PTPN3: variants seen among roughly 807,000 people sequenced by gnomAD.
PTPN3 encodes the protein tyrosine-protein phosphatase non-receptor type 3.
A neutral mutation model predicts 132.7 loss-of-function variants in PTPN3; 96 were observed. The observed-to-expected ratio is 0.72, with a 90% CI of 0.61 to 0.86. The LOEUF (loss-of-function observed/expected upper bound fraction) is 0.86, where lower values mean the gene tolerates loss of function less well. Ranked by LOEUF, PTPN3 falls within the 40% of genes least tolerant of loss-of-function variation. The pLI, the probability that PTPN3 is intolerant of heterozygous loss-of-function variation, is 0.00. For synonymous variants in PTPN3, 398 were observed against 429.0 expected, an observed-to-expected ratio of 0.93 and a Z score of 0.89; for missense variants, 1,125 against 1,159.6, an observed-to-expected ratio of 0.97 and a Z score of 0.43.
Position 109,391,570 on chromosome 9 carries a change from G to A in PTPN3, c.1954-9C>T. ...TTTTTTCTGTAGAGTTGCTATGTGA[G>A]AAATAGAGAAAAAAGCAAGCATTGC... On this transcript the variant is annotated splice_polypyrimidine_tract_variant and intron_variant, in intron 19 of 25. Transcript: ENST00000374541. The A allele has an allele frequency of 6.3e-7, 1 of 1,597,934 alleles. No individual in the cohort carries two copies. The highest frequency in any genetic ancestry group is 8.5e-7 in the Non-Finnish European group (1 of 1,170,788).
chr9:109,411,433 C>T (rs1485231763), intron 14 of PTPN3, among the ~76,000 whole-genome samples: 1 of 152,162 alleles, frequency 6.6e-6, no homozygotes, highest in African/African-American at 2.4e-5. Context: ...AGGGATTAAC[C>T]ATCCCTGCTG....
At chr9:109,473,551 G>A (rs563009760) in intron 1 of PTPN3, among the ~76,000 whole-genome samples, 119 of 152,266 alleles carry the variant, frequency 7.8e-4, no homozygotes, top group African/African-American at 2.6e-3. Flanking sequence ...TGCGGGAGCC[G>A]CGGGCAGTTT....
At chr9:109,409,074 C>T (rs1465396409) in intron 16 of PTPN3, among the ~76,000 whole-genome samples, 1 of 151,830 alleles carries the variant, frequency 6.6e-6, no homozygotes, top group African/African-American at 2.4e-5. Flanking sequence ...CTGTAAAGGG[C>T]CAGAGAGGCT....
chr9:109,391,177 C>A lies in PTPN3; in HGVS notation c.2067G>T (p.Leu689Phe). Reference sequence around the variant, plus strand: ...CATTAATATAATCTTCATTTCCCTGCAATAATACCCGGGTGGTGTCATCTG... The same window carrying A: ...CATTAATATAATCTTCATTTCCCTGAAATAATACCCGGGTGGTGTCATCTG... ...VLPYDTTRVL[L>F]QGNEDYINAS... The change falls in exon 21 of 26, where the codon TTG becomes TTT. Residue 689 changes from leucine to phenylalanine, a missense_variant. Leu to Phe is a conservative substitution (Grantham distance 22). Transcript: ENST00000374541. The A allele has an allele frequency of 6.2e-7, 1 of 1,613,544 alleles. No homozygotes were observed. Among genetic ancestry groups the A allele is most frequent in the Non-Finnish European group, 8.5e-7 (1 of 1,179,700 alleles).
chr9:109,428,980 C>T (rs1258223635), intron 10 of PTPN3: 2 of 985,314 alleles, frequency 2.0e-6, no homozygotes, highest in Non-Finnish European at 2.4e-6. Flanking sequence ...GGCACTGCAG[C>T]TCTGCGTGAG....
intron 1 of PTPN3, among the ~76,000 whole-genome samples, chr9:109,470,674 C>A (rs1248799818): frequency 3.6e-5 from 5 of 139,990 alleles, no homozygotes; most frequent in South Asian, 2.3e-4. Flanking sequence ...GCAGCCTGGG[C>A]AACAGAGCGA....
chr9:109,410,524 A>T, intron 14 of PTPN3, 109 bp from the exon 15 acceptor site: 1 of 1,221,350 alleles, frequency 8.2e-7, no homozygotes, highest in South Asian at 1.5e-5. Context: ...TTTCCCTGGA[A>T]CCTCAGCTGC....
At chr9:109,465,864 C>T (rs968956397) in intron 1 of PTPN3, among the ~76,000 whole-genome samples, 26 of 152,038 alleles carry the variant, frequency 1.7e-4, no homozygotes, top group African/African-American at 6.3e-4. Flanking sequence ...TAATTCTCCA[C>T]AAACTTTCTC....
the PTPN3 span, chr9:109,511,554 T>C: frequency 6.5e-6 from 1 of 153,730 alleles, no homozygotes; most frequent in African/African-American, 2.4e-5. Flanking sequence ...CATATTGGGG[T>C]TGGCCCTCTT....
the PTPN3 span, among the ~76,000 whole-genome samples, chr9:109,503,721 A>C: frequency 6.6e-6 from 1 of 152,128 alleles, no homozygotes; most frequent in Non-Finnish European, 1.5e-5. Context: ...TCAAAAAAAA[A>C]AAAAAGTCTT....
intron 14 of PTPN3, chr9:109,417,753 ACCC>A: frequency 2.0e-6 from 2 of 984,980 alleles, no homozygotes; most frequent in Non-Finnish European, 2.4e-6. Context: ...CACTAACTTG[ACCC>A]CCTGACATGT....
intron 1 of PTPN3, among the ~76,000 whole-genome samples, chr9:109,478,987 T>C (rs1047867133): frequency 6.6e-6 from 1 of 152,104 alleles, no homozygotes; most frequent in Non-Finnish European, 1.5e-5. Flanking sequence ...TTTCTGTTCT[T>C]TTAAATCTCC....
In PTPN3 at chr9:109,428,588, C is replaced by T. The variant is rs368961090; in HGVS notation, c.828+33G>A. The T allele has an allele frequency of 7.4e-5, 119 of 1,604,242 alleles. No individual in the cohort carries two copies. In the South Asian group the frequency reaches 8.8e-4, roughly 12 times the overall value. On this transcript the variant is annotated intron_variant, in intron 11 of 25. Coordinates refer to ENST00000374541, the MANE Select transcript of PTPN3 (RefSeq NM_002829.4). Reference sequence around the variant, plus strand: ...CTCTAACCACACACATACATATGCACGAAACAAAGCAAGCAAAGACATAAC... The same window carrying T: ...CTCTAACCACACACATACATATGCATGAAACAAAGCAAGCAAAGACATAAC...
In PTPN3 at chr9:109,476,563, C is replaced by T. The variant is rs187792209; in HGVS notation, c.-17-13112G>A. The stretch of plus-strand genomic sequence containing the variant: ...CCTCTCACTGATTTCAAGAGTGGTC[C>T]GTGACTGGACCAAGAAGATCTTTGC... On this transcript the variant is annotated intron_variant, in intron 1 of 25. Transcript: ENST00000374541. 7.2e-5 allele frequency among the ~76,000 whole-genome samples: 11 copies of T among 152,218 alleles called. No homozygotes were observed. In the East Asian group the frequency reaches 1.4e-3, roughly 19 times the overall value.
chr9:109,501,184 A>C (rs1444982717), upstream of PTPN3, among the ~76,000 whole-genome samples: 1 of 152,228 alleles, frequency 6.6e-6, no homozygotes, highest in African/African-American at 2.4e-5. Context: ...CTCAAGTACG[A>C]TGAATATTTT....
At chr9:109,425,331 A>C (rs1843169056) in intron 12 of PTPN3, among the ~76,000 whole-genome samples, 1 of 152,240 alleles carries the variant, frequency 6.6e-6, no homozygotes, top group Non-Finnish European at 1.5e-5. Context: ...TCAGAAAGAT[A>C]ATGGCTCAGA....
intron 22 of PTPN3, among the ~76,000 whole-genome samples, chr9:109,388,850 G>A (rs900009742): frequency 2.0e-5 from 3 of 152,200 alleles, no homozygotes; most frequent in Admixed American, 1.3e-4. Flanking sequence ...TGCCCAAATG[G>A]ATTCTATGGA....
upstream of PTPN3, among the ~76,000 whole-genome samples, chr9:109,499,378 G>A (rs1847818970): frequency 6.6e-6 from 1 of 152,102 alleles, no homozygotes; most frequent in Non-Finnish European, 1.5e-5. Flanking sequence ...CCTGGCCGAG[G>A]GAACAGCCAG....
Position 109,454,590 on chromosome 9 carries a change from A to G in PTPN3, c.290-16T>C, listed in dbSNP as rs1845464665. Reference sequence around the variant, plus strand: ...GGGAAACCTCCTACAACATTTTTCAAAAACAAATTAAATTTTCCCTTTGAC... The same window carrying G: ...GGGAAACCTCCTACAACATTTTTCAGAAACAAATTAAATTTTCCCTTTGAC... On this transcript the variant is annotated splice_polypyrimidine_tract_variant and intron_variant, in intron 4 of 25. Coordinates refer to ENST00000374541, the MANE Select transcript of PTPN3 (RefSeq NM_002829.4). 1 of 1,596,170 alleles carries G rather than the reference A, an allele frequency of 6.3e-7. No homozygotes were observed. The highest frequency in any genetic ancestry group is 1.3e-5 in the African/African-American group (1 of 74,484).
Sources: gnomAD v4.1 joint callset for allele counts (sites outside exome capture counted in the v4.1 genomes callset) on GRCh38, gnomAD v4.1.1 for gene constraint, MANE v1.5 for transcripts, NCBI Gene and HGNC (gene_info 2026-07-23, HGNC 2026-07-21) for gene names.